FBLIM1: variants seen among roughly 807,000 people sequenced by gnomAD.
The protein encoded by FBLIM1 is filamin binding LIM protein 1.
Under a neutral mutation model 37.4 loss-of-function variants are expected in FBLIM1, and 29 were observed. The ratio of observed to expected loss-of-function variants is 0.77; its 90% CI spans 0.58 to 1.06. The LOEUF is 1.06. Among genes scored for constraint, FBLIM1 ranks in the 50% least tolerant of loss-of-function variants. The pLI is 0.00. For missense variants in FBLIM1, 449 were observed against 505.6 expected, an observed-to-expected ratio of 0.89 and a Z score of 1.07; for synonymous variants, 193 against 199.0, an observed-to-expected ratio of 0.97 and a Z score of 0.25.
rs556130708 is a variant in FBLIM1 at position 15,781,283 on chromosome 1, G to A, written c.1009-3265G>A. Among the ~76,000 whole-genome samples, 17 of 152,062 alleles carry A rather than the reference G, an allele frequency of 1.1e-4. No homozygotes were observed. In the East Asian group the frequency reaches 1.9e-3, roughly 17 times the overall value. ...TGAGTCAGGGGAATTTCTTGAATCC[G>A]GGAGGCAGAGGTTGCAGTGAGCCGA... On this transcript the variant is annotated intron_variant, in intron 8 of 8. Transcript: ENST00000375766.
At chr1:15,781,779 T>A (rs1363378389) in intron 8 of FBLIM1, among the ~76,000 whole-genome samples, 2 of 141,972 alleles carry the variant, frequency 1.4e-5, no homozygotes, top group Admixed American at 1.5e-4. Context: ...AGTGCAGTGG[T>A]GCAATCTCGG....
chr1:15,774,159 C>CA (rs556876749), intron 6 of FBLIM1, among the ~76,000 whole-genome samples: 31 of 152,032 alleles, frequency 2.0e-4, no homozygotes, highest in Non-Finnish European at 3.8e-4. Context: ...CAAATAACAA[C>CA]AAAAAAGCCC....
chr1:15,764,995 G>C lies in FBLIM1; in HGVS notation c.12G>C (p.Lys4Asn). Residue 4 changes from lysine to asparagine, a missense_variant, in exon 3 of 9, where the codon AAG (lysine) becomes AAC (asparagine). Coordinates refer to ENST00000375766, the MANE Select transcript of FBLIM1 (RefSeq NM_017556.4). Reference protein sequence around the residue: MASKPEKRVASSVF... With the variant: MASNPEKRVASSVF... ...CAGGAGCTGAAGCCATGGCCTCAAA[G>C]CCTGAGAAGAGGGTGGCATCGTCTG... 6.2e-7 allele frequency: 1 copy of C among 1,613,178 alleles called. No individual in the cohort carries two copies. Among genetic ancestry groups the C allele is most frequent in the East Asian group, 2.2e-5 (1 of 44,870 alleles).
rs751152691 is a variant in FBLIM1, at chr1:15,770,450, C to G, written c.583C>G (p.Leu195Val). The G allele has an allele frequency of 1.2e-6, 2 of 1,613,288 alleles. No individual in the cohort carries two copies. The highest frequency in any genetic ancestry group is 4.5e-5 in the East Asian group (2 of 44,884). Residue 195 changes from leucine (L) to valine (V), a missense_variant, in exon 6 of 9, where the codon CTG (leucine) becomes GTG (valine). Physicochemically the swap from Leu to Val is conservative, Grantham distance 32. Transcript: ENST00000375766. Reference sequence around the variant, plus strand: ...CCACAAGACCGTGTCCCCCCGAGAGCTGGCTGTGGAGGCCATGAAGAGGCA... The same window carrying G: ...CCACAAGACCGTGTCCCCCCGAGAGGTGGCTGTGGAGGCCATGAAGAGGCA... The part of the protein sequence containing the change: ...FCHKTVSPRE[L>V]AVEAMKRQYH...
intron 8 of FBLIM1, among the ~76,000 whole-genome samples, chr1:15,777,783 G>T (rs2069537251): frequency 6.6e-6 from 1 of 152,070 alleles, no homozygotes. Context: ...ATGTTGGCCA[G>T]GCTGGTCTGG....
At chr1:15,781,907 A>T (rs1446027970) in intron 8 of FBLIM1, among the ~76,000 whole-genome samples, 7 of 150,974 alleles carry the variant, frequency 4.6e-5, no homozygotes, top group Non-Finnish European at 1.0e-4. Flanking sequence ...TTTAGTAGAG[A>T]TGGGGTTTCA....
In FBLIM1 at chr1:15,785,895, C is replaced by A. The variant is rs551217733; in HGVS notation, c.*1234C>A. On this transcript the variant is annotated 3_prime_UTR_variant, in exon 9 of 9. Transcript: ENST00000375766. Reference sequence around the variant, plus strand: ...TCCCCCGACCTGCCTTCTGGCGGCACCTCCCGGGTGCTGTGTTGAGTCAGC... The same window carrying A: ...TCCCCCGACCTGCCTTCTGGCGGCAACTCCCGGGTGCTGTGTTGAGTCAGC... The A allele has an allele frequency of 2.0e-5, 3 of 152,426 alleles. No homozygotes were observed. Among genetic ancestry groups the A allele is most frequent in the Admixed American group, 2.0e-4 (3 of 15,290 alleles). 9.4% of individuals were successfully genotyped at this position (152,426 alleles called of 1,614,324 possible).
At chr1:15,760,925 G>GCCCCGGCTTCCCTC (rs1158467118) in intron 1 of FBLIM1, among the ~76,000 whole-genome samples, 12 of 152,278 alleles carry the variant, frequency 7.9e-5, no homozygotes, top group South Asian at 4.1e-4. Flanking sequence ...CGGGAGGGAA[G>GCCCCGGCTTCCCTC]CCGGGGCTCC....
At chr1:15,769,454 G>A (rs976311284) in intron 5 of FBLIM1, among the ~76,000 whole-genome samples, 3 of 151,314 alleles carry the variant, frequency 2.0e-5, no homozygotes, top group Admixed American at 6.6e-5. Context: ...TCCAGCCTGG[G>A]TGACAGAGTG....
In FBLIM1 at chr1:15,785,158, AC is replaced by A. The variant is rs1412311461; in HGVS notation, c.*500del. On this transcript the variant is annotated 3_prime_UTR_variant, in exon 9 of 9. Transcript: ENST00000375766. ...AGACCAGCCTGGCCAACATGGTGAA[AC>A]CCTGTCTCTACTAAAAATACAAAAA... is the stretch of plus-strand genomic sequence containing the variant. 2.0e-5 allele frequency: 3 copies of A among 152,100 alleles called. No individual in the cohort carries two copies. Among genetic ancestry groups the A allele is most frequent in the Admixed American group, 6.6e-5 (1 of 15,258 alleles). 9.4% of individuals were successfully genotyped at this position (152,100 alleles called of 1,614,324 possible). A position where few individuals can be genotyped will look rare whatever the true frequency, so the allele number is the denominator to read the frequency against.
rs748535776 is a variant in FBLIM1, at chr1:15,767,540, T to TCCCCGC, written c.426_431dup (p.Pro144_Pro145dup). The TCCCCGC allele has an allele frequency of 1.4e-5, 20 of 1,409,322 alleles. No individual in the cohort carries two copies. The highest frequency in any genetic ancestry group is 1.2e-4 in the East Asian group (4 of 32,670). The allele number at this position is 1,409,322 out of a possible 1,614,324, so 87.3% of individuals were successfully genotyped here. A position where few individuals can be genotyped will look rare whatever the true frequency, so the allele number is the denominator to read the frequency against. ...TGCAGACTTAGAGCAGCTGCACCTGTCCCCGCCCCCGCCCCCACCACAGGT... is the reference window on the plus strand; with the variant it reads ...TGCAGACTTAGAGCAGCTGCACCTGTCCCCGCCCCCGCCCCCGCCCCCACCACAGGT... On this transcript the variant is annotated inframe_insertion, in exon 4 of 9. Transcript: ENST00000375766.
intron 8 of FBLIM1, among the ~76,000 whole-genome samples, chr1:15,780,636 G>T (rs1171540258): frequency 6.6e-6 from 1 of 152,172 alleles, no homozygotes; most frequent in East Asian, 1.9e-4. Flanking sequence ...TGAAGCTTCT[G>T]TCTTCTCCGG....
intron 7 of FBLIM1, among the ~76,000 whole-genome samples, chr1:15,776,613 C>T (rs1350490382): frequency 3.3e-5 from 5 of 152,130 alleles, no homozygotes. Context: ...GCCTGTAATC[C>T]CAGCACTTTG....
At chr1:15,778,766 G>A (rs1166935462) in intron 8 of FBLIM1, among the ~76,000 whole-genome samples, 1 of 151,498 alleles carries the variant, frequency 6.6e-6, no homozygotes, top group Non-Finnish European at 1.5e-5. Context: ...TCAGCCTCCC[G>A]AGTAATTGGG....
rs574465379 is a variant in FBLIM1, at chr1:15,782,736, G to A, written c.1009-1812G>A. 2.0e-5 allele frequency among the ~76,000 whole-genome samples: 3 copies of A among 152,136 alleles called. No homozygotes were observed. The South Asian group carries it at 6.2e-4, about 32-fold the overall frequency. ...CCTCACCCAGCTGGCCATGGAGGAA[G>A]GCAGATTGCAGACCCTGGTCCCTAC... On this transcript the variant is annotated intron_variant, in intron 8 of 8. Transcript: ENST00000375766.
intron 8 of FBLIM1, among the ~76,000 whole-genome samples, chr1:15,778,182 G>A (rs2069547130): frequency 6.6e-6 from 1 of 152,140 alleles, no homozygotes; most frequent in East Asian, 1.9e-4. Context: ...AAAAGGAGGG[G>A]TTGTTACAAC....
In FBLIM1 at chr1:15,784,580, G is replaced by A. The variant is rs370621580; in HGVS notation, c.1041G>A (p.Thr347=). ...GGATCCTCCTGTCTGTCGAGCCCAC[G>A]GACCAAGGCTGCTACCCCCTGAACA... The part of the protein sequence containing the change: ...DCRILLSVEP[T]DQGCYPLNNH... Residue 347 remains threonine (T), a synonymous_variant, in exon 9 of 9, where the codon ACG becomes ACA. Coordinates refer to ENST00000375766, the MANE Select transcript of FBLIM1 (RefSeq NM_017556.4). 57 of 1,613,874 alleles carry A rather than the reference G, an allele frequency of 3.5e-5. No homozygotes were observed. Among genetic ancestry groups the A allele is most frequent in the Non-Finnish European group, 4.5e-5 (53 of 1,179,920 alleles).
intron 1 of FBLIM1, among the ~76,000 whole-genome samples, chr1:15,763,136 T>C (rs2068753957): frequency 6.6e-6 from 1 of 151,502 alleles, no homozygotes; most frequent in South Asian, 2.1e-4. Flanking sequence ...TGGTGCCATC[T>C]CACCTCACTG....
chr1:15,770,771 C>T (rs1183069285), intron 6 of FBLIM1, among the ~76,000 whole-genome samples, 193 bp downstream of exon 6: 1 of 152,146 alleles, frequency 6.6e-6, no homozygotes, highest in African/African-American at 2.4e-5. Flanking sequence ...TAAGAGATCA[C>T]CACAACCTTC....
Sources: allele counts gnomAD v4.1 joint callset (sites outside exome capture counted in the v4.1 genomes callset), GRCh38; gene constraint gnomAD v4.1.1; transcripts MANE v1.5; gene names NCBI Gene and HGNC (gene_info 2026-07-23, HGNC 2026-07-21).